SLC1A1: variants seen among roughly 807,000 people sequenced by gnomAD.
The protein encoded by SLC1A1 is excitatory amino acid transporter 3.
In SLC1A1, 43 loss-of-function variants were observed where a neutral mutation model predicts 53.3. That is an observed-to-expected ratio of 0.81 (90% confidence interval 0.63 to 1.04). The LOEUF (loss-of-function observed/expected upper bound fraction) is 1.04, where lower values mean the gene tolerates loss of function less well. Among genes scored for constraint, SLC1A1 ranks in the 50% least tolerant of loss-of-function variants. The pLI is 0.00. For missense variants in SLC1A1, 748 were observed against 664.9 expected, an observed-to-expected ratio of 1.12 and a Z score of -1.37; for synonymous variants, 307 against 243.2, an observed-to-expected ratio of 1.26 and a Z score of -2.44.
At chr9:4,516,378 A>G in intron 1 of SLC1A1, among the ~76,000 whole-genome samples, 1 of 152,228 alleles carries the variant, frequency 6.6e-6, no homozygotes, top group East Asian at 1.9e-4. Flanking sequence ...CAGAGCCAGA[A>G]TGGCTTCTCT....
chr9:4,543,538 T>C (rs914470588), intron 1 of SLC1A1, among the ~76,000 whole-genome samples: 1 of 152,222 alleles, frequency 6.6e-6, no homozygotes, highest in East Asian at 1.9e-4. Context: ...AATATGGGCA[T>C]CTTGTTAAGG....
rs966398965 is a variant in SLC1A1, at chr9:4,555,887, T to A, written c.233-5562T>A. On this transcript the variant is annotated intron_variant, in intron 2 of 11. Coordinates refer to ENST00000262352, the MANE Select transcript of SLC1A1 (RefSeq NM_004170.6). Reference sequence around the variant, plus strand: ...AACTGGATGGAGCAAATCCAGTTGTTAAAATTTCTGATCTGTTACAGATCA... The same window carrying A: ...AACTGGATGGAGCAAATCCAGTTGTAAAAATTTCTGATCTGTTACAGATCA... 5.3e-5 allele frequency among the ~76,000 whole-genome samples: 8 copies of A among 152,246 alleles called. No homozygotes were observed. In the South Asian group the frequency reaches 1.7e-3, roughly 32 times the overall value.
intron 2 of SLC1A1, among the ~76,000 whole-genome samples, chr9:4,545,222 C>A (rs376591990): frequency 2.2e-4 from 8 of 37,094 alleles, no homozygotes; most frequent in African/African-American, 6.9e-4. Flanking sequence ...TCTCTCTCCA[C>A]CTCTCTCCAC....
intron 9 of SLC1A1, 30 bp downstream of exon 9, chr9:4,576,153 C>A: frequency 6.2e-7 from 1 of 1,607,948 alleles, no homozygotes; most frequent in Non-Finnish European, 8.5e-7. Context: ...CTGGAAGAAG[C>A]CTCCAGGCTC....
intron 1 of SLC1A1, among the ~76,000 whole-genome samples, chr9:4,528,311 G>C (rs1010835975): frequency 6.6e-6 from 1 of 152,188 alleles, no homozygotes; most frequent in Non-Finnish European, 1.5e-5. Context: ...AGTGGCTCAT[G>C]CCTGTAATCC....
intron 1 of SLC1A1, among the ~76,000 whole-genome samples, chr9:4,500,699 A>G (rs537609211): frequency 6.6e-6 from 1 of 152,338 alleles, no homozygotes; most frequent in South Asian, 2.1e-4. Context: ...TGTAATTAGT[A>G]CAGCCCACAG....
chr9:4,507,436 A>C (rs1459644813), intron 1 of SLC1A1, among the ~76,000 whole-genome samples: 2 of 152,204 alleles, frequency 1.3e-5, no homozygotes, highest in African/African-American at 4.8e-5. Flanking sequence ...TGAAATCATG[A>C]AGTTCCTTAT....
At chr9:4,532,328 G>T (rs563292927) in intron 1 of SLC1A1, among the ~76,000 whole-genome samples, 1 of 151,986 alleles carries the variant, frequency 6.6e-6, no homozygotes, top group African/African-American at 2.4e-5. Flanking sequence ...AAAATTAGAC[G>T]AATGGCTAAC....
intron 1 of SLC1A1, among the ~76,000 whole-genome samples, chr9:4,494,090 T>C (rs1820328312): frequency 1.3e-5 from 2 of 152,244 alleles, no homozygotes; most frequent in African/African-American, 2.4e-5. Context: ...GAAAATCCTC[T>C]GCTAAAATAC....
At chr9:4,563,870 G>A (rs139756402) in intron 3 of SLC1A1, among the ~76,000 whole-genome samples, 80 of 152,260 alleles carry the variant, frequency 5.3e-4, no homozygotes, top group African/African-American at 1.8e-3. Context: ...CCTACGGTAT[G>A]GAAGGAAGGC....
intron 1 of SLC1A1, among the ~76,000 whole-genome samples, chr9:4,540,412 C>A (rs975308317): frequency 4.6e-5 from 7 of 152,196 alleles, no homozygotes; most frequent in African/African-American, 1.7e-4. Flanking sequence ...ACCCTGTGCT[C>A]TCGGTAGAGA....
chr9:4,580,257 G>A (rs1428969790), intron 10 of SLC1A1, among the ~76,000 whole-genome samples: 2 of 130,602 alleles, frequency 1.5e-5, no homozygotes, highest in East Asian at 2.1e-4. Context: ...GAAAGAAAGA[G>A]AGAAAAGAAA....
At chr9:4,519,717 G>C (rs1371727147) in intron 1 of SLC1A1, among the ~76,000 whole-genome samples, 1 of 152,188 alleles carries the variant, frequency 6.6e-6, no homozygotes, top group Non-Finnish European at 1.5e-5. Flanking sequence ...CAGAGGCTTA[G>C]AGGGATTCAG....
chr9:4,568,441 C>T (rs905476659), intron 6 of SLC1A1, among the ~76,000 whole-genome samples: 1 of 150,690 alleles, frequency 6.6e-6, no homozygotes, highest in Non-Finnish European at 1.5e-5. Context: ...AAGGACCAGG[C>T]TGGGCATGGT....
intron 1 of SLC1A1, among the ~76,000 whole-genome samples, chr9:4,543,919 C>G (rs765404823): frequency 6.6e-6 from 1 of 152,096 alleles, no homozygotes; most frequent in Non-Finnish European, 1.5e-5. Flanking sequence ...TGGTTCACAC[C>G]TGTAATCCCA....
chr9:4,580,993 G>T (rs1465625770), intron 10 of SLC1A1, among the ~76,000 whole-genome samples: 1 of 152,144 alleles, frequency 6.6e-6, no homozygotes, highest in Non-Finnish European at 1.5e-5. Context: ...ATGTTTTTAA[G>T]CATCTACTAT....
chr9:4,536,433 C>G (rs1167627077), intron 1 of SLC1A1, among the ~76,000 whole-genome samples: 1 of 152,144 alleles, frequency 6.6e-6, no homozygotes, highest in Non-Finnish European at 1.5e-5. Context: ...CCAACAGACA[C>G]ATGAAAAAAT....
intron 1 of SLC1A1, among the ~76,000 whole-genome samples, chr9:4,526,466 AT>A (rs1816263232): frequency 6.6e-6 from 1 of 152,206 alleles, no homozygotes; most frequent in African/African-American, 2.4e-5. Flanking sequence ...GTATAAAGGC[AT>A]GGACAAAAAG....
intron 2 of SLC1A1, among the ~76,000 whole-genome samples, chr9:4,558,580 T>G (rs1487201850): frequency 6.6e-6 from 1 of 152,208 alleles, no homozygotes; most frequent in African/African-American, 2.4e-5. Flanking sequence ...ATCAAGCCTT[T>G]TATTGCCAGC....
Sources: gnomAD v4.1 joint callset for allele counts (sites outside exome capture counted in the v4.1 genomes callset) on GRCh38, gnomAD v4.1.1 for gene constraint, MANE v1.5 for transcripts, NCBI Gene and HGNC (gene_info 2026-07-23, HGNC 2026-07-21) for gene names.